Variants in PARD3B observed in about 807,000 individuals in gnomAD.
PARD3B encodes the protein partitioning defective 3 homolog B.
PARD3B carries 103 observed loss-of-function variants against 130.2 expected under a neutral mutation model. The observed-to-expected ratio is 0.79, with a 90% CI of 0.67 to 0.93. PARD3B has a LOEUF of 0.93. PARD3B is among the 40% of genes least tolerant of loss of function. PARD3B has a pLI of 0.00. For synonymous variants in PARD3B, 583 were observed against 553.2 expected (o/e 1.05, Z -0.76); for missense variants, 1,609 against 1,499.2 (o/e 1.07, Z -1.21).
At chr2:205,395,402 C>A (rs2045991660) in intron 18 of PARD3B, among the ~76,000 whole-genome samples, 1 of 152,188 alleles carries the variant, frequency 6.6e-6, no homozygotes, top group Admixed American at 6.5e-5. Flanking sequence ...TTGCAGCATT[C>A]TTTAAACTCT....
intron 20 of PARD3B, among the ~76,000 whole-genome samples, chr2:205,454,503 G>T (rs565525949): frequency 6.6e-6 from 1 of 152,104 alleles, no homozygotes; most frequent in Non-Finnish European, 1.5e-5. Flanking sequence ...CTGAGGATTG[G>T]TATGAACCCA....
intron 18 of PARD3B, among the ~76,000 whole-genome samples, chr2:205,345,634 T>A (rs1213248493): frequency 6.6e-6 from 1 of 151,468 alleles, no homozygotes; most frequent in Non-Finnish European, 1.5e-5. Context: ...TATCTCCTCA[T>A]GACCCTAGAG....
At chr2:205,014,045 G>A (rs79785534) in intron 3 of PARD3B, among the ~76,000 whole-genome samples, 1 of 152,160 alleles carries the variant, frequency 6.6e-6, no homozygotes, top group Non-Finnish European at 1.5e-5. Context: ...GAATTGCCTT[G>A]CTAACCAGCT....
intron 10 of PARD3B, among the ~76,000 whole-genome samples, chr2:205,153,834 G>T (rs1482706926): frequency 6.6e-6 from 1 of 152,146 alleles, no homozygotes; most frequent in African/African-American, 2.4e-5. Context: ...GGGAAAACTG[G>T]CTAGCCATAT....
rs965424246 is a variant in PARD3B at position 205,590,242 on chromosome 2, C to G, written c.3261-25214C>G. 1.3e-5 allele frequency among the ~76,000 whole-genome samples: 2 copies of G among 152,014 alleles called. No individual in the cohort carries two copies. Among genetic ancestry groups the G allele is most frequent in the African/African-American group, 4.8e-5 (2 of 41,380 alleles). On this transcript the variant is annotated intron_variant, in intron 22 of 22. Coordinates refer to ENST00000406610, the MANE Select transcript of PARD3B (RefSeq NM_001302769.2). This position sits in a 1 kb window ranked among gnomAD's most constrained non-coding sequence, Gnocchi z 4.1. Reference sequence around the variant, plus strand: ...CAGACTTATCTTCAGGTTCAGCTACCCAAGATCTCATAAAAGGCTGTCAGC... The same window carrying G: ...CAGACTTATCTTCAGGTTCAGCTACGCAAGATCTCATAAAAGGCTGTCAGC...
At chr2:205,483,350 A>G (rs1440802468) in intron 20 of PARD3B, among the ~76,000 whole-genome samples, 1 of 152,192 alleles carries the variant, frequency 6.6e-6, no homozygotes, top group Non-Finnish European at 1.5e-5. Context: ...TAGCTTAGAA[A>G]GCTCTTACAG....
chr2:204,855,544 G>GA (rs1159814030), intron 2 of PARD3B, among the ~76,000 whole-genome samples: 457 of 139,968 alleles, frequency 3.3e-3, no homozygotes, highest in African/African-American at 4.8e-3. Context: ...CCCTCTAAAA[G>GA]AAAAAAAAAT....
At chr2:205,357,583 C>T (rs191379168) in intron 18 of PARD3B, among the ~76,000 whole-genome samples, 1 of 152,024 alleles carries the variant, frequency 6.6e-6, no homozygotes, top group Admixed American at 6.5e-5. Flanking sequence ...AAAATAAGTA[C>T]ACAAAATGAA....
In PARD3B at chr2:205,128,371, A is replaced by G. The variant is rs1187159246; in HGVS notation, c.1434+2634A>G. On this transcript the variant is annotated intron_variant, in intron 10 of 22. Transcript: ENST00000406610. The surrounding 1 kb of genome is among the most constrained non-coding windows in gnomAD (Gnocchi z 4.5). ...TTCCTAGAAGCTATGCCCCTCCACC[A>G]GGTAAGGGATGCTGATTTATCCCAG... Among the ~76,000 whole-genome samples the G allele has an allele frequency of 2.6e-5, 4 of 152,190 alleles. No individual in the cohort carries two copies. The highest frequency in any genetic ancestry group is 9.6e-5 in the African/African-American group (4 of 41,452).
At chr2:205,509,900 C>G (rs1036104498) in intron 21 of PARD3B, among the ~76,000 whole-genome samples, 1 of 152,200 alleles carries the variant, frequency 6.6e-6, no homozygotes, top group East Asian at 1.9e-4. Flanking sequence ...AAGGGCCAGT[C>G]GCTACAACTA....
At chr2:204,858,499 TA>T (rs554680233) in intron 2 of PARD3B, among the ~76,000 whole-genome samples, 15,729 of 116,992 alleles carry the variant, frequency 0.13, 1,112 homozygotes, top group African/African-American at 0.24. Context: ...ATGTGGAATC[TA>T]AAAAAAAAAA....
At position 204,662,445 on chromosome 2, in the gene PARD3B, A is replaced by C. The variant is rs527573310; in HGVS notation, c.121-23736A>C. ...CTTTGCCAAATAACCAGTCTGGAAA[A>C]CCATCATCTGCCTTTCAGTCATTCA... On this transcript the variant is annotated intron_variant, in intron 1 of 22. Coordinates refer to ENST00000406610, the MANE Select transcript of PARD3B (RefSeq NM_001302769.2). Among the ~76,000 whole-genome samples the C allele has an allele frequency of 5.3e-5, 8 of 152,298 alleles. No individual in the cohort carries two copies. The East Asian group carries it at 9.6e-4, about 18-fold the overall frequency.
chr2:205,316,363 A>C (rs2042563932), intron 18 of PARD3B, among the ~76,000 whole-genome samples: 1 of 152,164 alleles, frequency 6.6e-6, no homozygotes, highest in African/African-American at 2.4e-5. Context: ...GTTAGATATA[A>C]AAAAGAAGAC....
At chr2:205,077,833 A>G (rs1701167138) in intron 4 of PARD3B, among the ~76,000 whole-genome samples, 1 of 152,154 alleles carries the variant, frequency 6.6e-6, no homozygotes, top group Non-Finnish European at 1.5e-5. Flanking sequence ...TGTTGCTACT[A>G]ATCACTTCAT....
chr2:205,105,033 A>G lies in PARD3B; in HGVS notation c.593+519A>G, dbSNP rs1049467327. 3.3e-5 allele frequency among the ~76,000 whole-genome samples: 5 copies of G among 152,096 alleles called. No homozygotes were observed. The highest frequency in any genetic ancestry group is 2.6e-4 in the Admixed American group (4 of 15,272). ...AACTCATTTGCTGTCAGTGGCTGCC[A>G]TGTTTCCCAGTACTTTCTTTGCTTT... On this transcript the variant is annotated intron_variant, in intron 5 of 22. Coordinates refer to ENST00000406610, the MANE Select transcript of PARD3B (RefSeq NM_001302769.2). This position sits in a 1 kb window ranked among gnomAD's most constrained non-coding sequence, Gnocchi z 4.0.
intron 18 of PARD3B, among the ~76,000 whole-genome samples, chr2:205,383,888 A>G (rs1475613451): frequency 6.6e-6 from 1 of 152,026 alleles, no homozygotes; most frequent in African/African-American, 2.4e-5. Context: ...ATACTGTTGC[A>G]TGGGTGTTTA....
intron 11 of PARD3B, among the ~76,000 whole-genome samples, chr2:205,164,408 T>C (rs2034680762): frequency 6.6e-6 from 1 of 152,192 alleles, no homozygotes; most frequent in African/African-American, 2.4e-5. Context: ...TGCAGTATAA[T>C]CGTGCCTGTG....
intron 2 of PARD3B, among the ~76,000 whole-genome samples, chr2:204,958,371 A>C (rs1690452292): frequency 6.6e-6 from 1 of 152,202 alleles, no homozygotes. Flanking sequence ...ATATTGCTTC[A>C]AGTTATGGTT....
At chr2:204,568,954 G>GAAAAAAAA (rs368465299) in intron 1 of PARD3B, among the ~76,000 whole-genome samples, 5 of 143,414 alleles carry the variant, frequency 3.5e-5, no homozygotes, top group African/African-American at 1.1e-4. Context: ...GACTGTCTCA[G>GAAAAAAAA]GAAAAAAAAA....
Sources: allele counts gnomAD v4.1 joint callset (sites outside exome capture counted in the v4.1 genomes callset), GRCh38; gene constraint gnomAD v4.1.1; non-coding constraint Gnocchi (gnomAD v3.1); transcripts MANE v1.5; gene names NCBI Gene and HGNC (gene_info 2026-07-23, HGNC 2026-07-21).